The following THSD7B variants were observed in gnomAD, a reference collection of about 807,000 sequenced individuals.
THSD7B encodes the protein thrombospondin type 1 domain containing 7B.
Under a neutral mutation model 213.6 loss-of-function variants are expected in THSD7B, and 138 were observed. The observed-to-expected ratio is 0.65, with a 90% confidence interval of 0.56 to 0.74. The LOEUF is 0.74. Ranked by LOEUF, THSD7B falls within the 30% of genes least tolerant of loss-of-function variation. THSD7B has a pLI of 0.00. For missense variants in THSD7B, 1,931 were observed against 1,991.5 expected (o/e 0.97, Z 0.58); for synonymous variants, 742 against 687.0 (o/e 1.08, Z -1.25).
At chr2:137,097,356 C>A (rs1688058739) in intron 4 of THSD7B, among the ~76,000 whole-genome samples, 1 of 151,870 alleles carries the variant, frequency 6.6e-6, no homozygotes, top group Admixed American at 6.6e-5. Flanking sequence ...CTACTGTTGG[C>A]CAATAATTAT....
chr2:137,202,815 G>T (rs1170422772), intron 7 of THSD7B, among the ~76,000 whole-genome samples: 1 of 152,098 alleles, frequency 6.6e-6, no homozygotes, highest in African/African-American at 2.4e-5. Context: ...TCAACTTCCA[G>T]ATTTCTATTT....
chr2:137,269,757 G>A lies in THSD7B; in HGVS notation c.2267-2776G>A, dbSNP rs1051178608. 2.0e-5 allele frequency among the ~76,000 whole-genome samples: 3 copies of A among 152,294 alleles called. No homozygotes were observed. The South Asian group carries it at 6.2e-4, about 32-fold the overall frequency. The stretch of plus-strand genomic sequence containing the variant: ...AGATAGCTTTTTGTATTATTATGAT[G>A]CAGAGCTATCTTGGTAACCCTCTTT... On this transcript the variant is annotated intron_variant, in intron 10 of 27. Transcript: ENST00000409968.
intron 12 of THSD7B, among the ~76,000 whole-genome samples, chr2:137,362,188 G>T (rs1685280648): frequency 6.6e-6 from 1 of 152,148 alleles, no homozygotes; most frequent in Non-Finnish European, 1.5e-5. Flanking sequence ...AATGCTGAGA[G>T]ATTTTGTCAC....
intron 2 of THSD7B, among the ~76,000 whole-genome samples, chr2:136,910,118 A>C (rs921940373): frequency 2.6e-4 from 39 of 152,154 alleles, no homozygotes; most frequent in African/African-American, 9.2e-4. Flanking sequence ...AGAAGAGTCC[A>C]ATAGTGTGTC....
At chr2:137,334,340 A>G (rs911358913) in intron 12 of THSD7B, among the ~76,000 whole-genome samples, 1 of 152,146 alleles carries the variant, frequency 6.6e-6, no homozygotes, top group African/African-American at 2.4e-5. Flanking sequence ...ATCCCAGCTC[A>G]GCATGAACTC....
chr2:137,485,416 T>A (rs1018674520), intron 15 of THSD7B, among the ~76,000 whole-genome samples: 11 of 152,286 alleles, frequency 7.2e-5, no homozygotes, highest in African/African-American at 2.6e-4. Context: ...GCTGTTTTGG[T>A]TACTGTAGCT....
At chr2:137,020,449 T>A (rs192096960) in intron 2 of THSD7B, among the ~76,000 whole-genome samples, 21 of 152,306 alleles carry the variant, frequency 1.4e-4, no homozygotes, top group Admixed American at 1.3e-3. Flanking sequence ...CCTAGCCTGA[T>A]CTGATTGCGG....
chr2:136,794,492 G>A (rs1051814804), intron 1 of THSD7B, among the ~76,000 whole-genome samples: 1 of 151,516 alleles, frequency 6.6e-6, no homozygotes, highest in Non-Finnish European at 1.5e-5. Flanking sequence ...TCAAAAAGTT[G>A]GTGGATTTTT....
intron 16 of THSD7B, among the ~76,000 whole-genome samples, chr2:137,569,375 G>A (rs1681307220): frequency 6.6e-6 from 1 of 152,286 alleles, no homozygotes; most frequent in East Asian, 1.9e-4. Context: ...TCTGTTTACA[G>A]GATGGTGTCC....
chr2:136,919,408 C>A (rs1259880057), intron 2 of THSD7B, among the ~76,000 whole-genome samples: 1 of 152,198 alleles, frequency 6.6e-6, no homozygotes, highest in African/African-American at 2.4e-5. Context: ...TTTTGGGAGA[C>A]CAGCTTGCTT....
chr2:137,283,976 A>C (rs1354493366), intron 12 of THSD7B, among the ~76,000 whole-genome samples: 1 of 152,068 alleles, frequency 6.6e-6, no homozygotes, highest in Non-Finnish European at 1.5e-5. Context: ...AAGGAATGGT[A>C]CCAGTTCCTC....
chr2:137,427,258 A>G (rs1687079607), intron 14 of THSD7B, among the ~76,000 whole-genome samples: 1 of 152,140 alleles, frequency 6.6e-6, no homozygotes, highest in Admixed American at 6.5e-5. Flanking sequence ...TAAATACTGA[A>G]CTAATATATG....
At chr2:136,813,984 G>C (rs1309498428) in intron 1 of THSD7B, among the ~76,000 whole-genome samples, 4 of 152,146 alleles carry the variant, frequency 2.6e-5, no homozygotes, top group African/African-American at 9.7e-5. Flanking sequence ...GCTATGCAGG[G>C]ACTGATGACC....
intron 15 of THSD7B, among the ~76,000 whole-genome samples, chr2:137,504,096 A>G (rs900942180): frequency 6.6e-5 from 10 of 151,728 alleles, no homozygotes; most frequent in African/African-American, 2.4e-4. Context: ...CGGTGCAGTG[A>G]TTGTCATCTT....
chr2:137,515,098 G>A (rs1386463248), intron 15 of THSD7B, among the ~76,000 whole-genome samples: 1 of 152,152 alleles, frequency 6.6e-6, no homozygotes, highest in Non-Finnish European at 1.5e-5. Context: ...AAAGGTGCAT[G>A]CACAGCCTCA....
chr2:137,374,784 A>C (rs1051974415), intron 12 of THSD7B, among the ~76,000 whole-genome samples: 1 of 152,186 alleles, frequency 6.6e-6, no homozygotes, highest in African/African-American at 2.4e-5. Flanking sequence ...TAATGTGTTC[A>C]TGGAGTATTA....
chr2:137,661,132 G>A (rs978963167), intron 25 of THSD7B, among the ~76,000 whole-genome samples: 7 of 152,092 alleles, frequency 4.6e-5, no homozygotes, highest in Admixed American at 4.6e-4. Context: ...ATAATCTTAT[G>A]CTTATTCTCT....
chr2:137,010,750 C>T (rs189648836), intron 2 of THSD7B, among the ~76,000 whole-genome samples: 8 of 152,248 alleles, frequency 5.3e-5, no homozygotes, highest in Admixed American at 2.0e-4. Flanking sequence ...TCTCTAGACC[C>T]GGGAATACAG....
At chr2:136,793,057 GT>G (rs1401376931) in intron 1 of THSD7B, among the ~76,000 whole-genome samples, 2 of 151,948 alleles carry the variant, frequency 1.3e-5, no homozygotes, top group Admixed American at 6.6e-5. Flanking sequence ...TTGGCTACAC[GT>G]CTTTCTGTGT....
Sources: allele counts gnomAD v4.1 joint callset (sites outside exome capture counted in the v4.1 genomes callset), GRCh38; gene constraint gnomAD v4.1.1; transcripts MANE v1.5; gene names NCBI Gene and HGNC (gene_info 2026-07-23, HGNC 2026-07-21).